The following NELL2 variants were observed in gnomAD, a reference collection of about 807,000 sequenced individuals.
The protein encoded by NELL2 is protein kinase C-binding protein NELL2.
NELL2 carries 41 observed loss-of-function variants against 109.6 expected under a neutral mutation model. That is an observed-to-expected ratio of 0.37 (90% CI 0.29 to 0.49). The LOEUF (loss-of-function observed/expected upper bound fraction) is 0.49, where lower values mean the gene tolerates loss of function less well. Among genes scored for constraint, NELL2 ranks in the 20% least tolerant of loss-of-function variants. NELL2 has a pLI of 0.98. For synonymous variants in NELL2, 355 were observed against 344.7 expected (o/e 1.03, Z -0.33); for missense variants, 900 against 1,008.3 (o/e 0.89, Z 1.45).
rs912359515 is a variant in NELL2 at position 44,713,433 on chromosome 12, A to C, written c.1086+1217T>G. Among the ~76,000 whole-genome samples, 7 of 151,852 alleles carry C rather than the reference A, an allele frequency of 4.6e-5. No homozygotes were observed. In the South Asian group the frequency reaches 1.4e-3, roughly 31 times the overall value. ...TTACTAGATCTCACTCTGTCTTCCA[A>C]TTCTTTTATCTATTGTGAGACTTAC... On this transcript the variant is annotated intron_variant, in intron 10 of 19. Transcript: ENST00000429094.
chr12:44,758,434 A>T (rs1376656823), intron 9 of NELL2, among the ~76,000 whole-genome samples: 1 of 152,254 alleles, frequency 6.6e-6, no homozygotes, highest in Non-Finnish European at 1.5e-5. Flanking sequence ...TAAACTTGAC[A>T]CAATGAATAA....
chr12:44,896,571 A>G (rs928658707), intron 1 of NELL2, among the ~76,000 whole-genome samples: 1 of 152,232 alleles, frequency 6.6e-6, no homozygotes, highest in African/African-American at 2.4e-5. Flanking sequence ...CCTTGAAGCT[A>G]TACATGTATA....
At chr12:44,572,534 A>G (rs535662224) in intron 15 of NELL2, among the ~76,000 whole-genome samples, 2 of 152,194 alleles carry the variant, frequency 1.3e-5, no homozygotes, top group African/African-American at 2.4e-5. Context: ...TAGGAAACAT[A>G]CTAGGAATTT....
At chr12:44,559,081 CT>C (rs777379080) in intron 15 of NELL2, among the ~76,000 whole-genome samples, 3 of 152,162 alleles carry the variant, frequency 2.0e-5, no homozygotes, top group Non-Finnish European at 4.4e-5. Flanking sequence ...CCAAACTAAG[CT>C]TCATGAGTGA....
At chr12:44,671,300 G>C (rs1055682112) in intron 12 of NELL2, among the ~76,000 whole-genome samples, 2 of 152,258 alleles carry the variant, frequency 1.3e-5, no homozygotes, top group South Asian at 2.1e-4. Context: ...ACAGCGCTAA[G>C]AGGGAAACTT....
chr12:44,832,296 AC>A (rs76314801), intron 2 of NELL2, among the ~76,000 whole-genome samples: 3,456 of 152,300 alleles, frequency 0.023, 70 homozygotes, highest in East Asian at 0.048. Context: ...AGAATGGAAG[AC>A]CAAAACAATG....
intron 13 of NELL2, among the ~76,000 whole-genome samples, chr12:44,645,898 C>A (rs11182594): frequency 5.3e-5 from 8 of 152,158 alleles, no homozygotes; most frequent in African/African-American, 1.7e-4. Context: ...CTCTTTTTTA[C>A]CCTCATCTTG....
chr12:44,750,162 T>G (rs750753200), intron 9 of NELL2, among the ~76,000 whole-genome samples: 7 of 152,154 alleles, frequency 4.6e-5, no homozygotes, highest in Non-Finnish European at 7.4e-5. Flanking sequence ...GCAGAGATTA[T>G]GTTTTCCTTT....
chr12:44,685,845 A>C (rs1001629055), intron 12 of NELL2, among the ~76,000 whole-genome samples: 5 of 152,030 alleles, frequency 3.3e-5, no homozygotes, highest in East Asian at 1.9e-4. Flanking sequence ...GGCTGCCCTT[A>C]ACATTTTTTC....
chr12:44,626,451 T>C (rs1047986018), intron 13 of NELL2, among the ~76,000 whole-genome samples: 1 of 152,200 alleles, frequency 6.6e-6, no homozygotes, highest in Non-Finnish European at 1.5e-5. Context: ...ACACGCTCTG[T>C]CTCAGATCAC....
At chr12:44,671,854 G>T (rs752037247) in intron 12 of NELL2, among the ~76,000 whole-genome samples, 18 of 152,276 alleles carry the variant, frequency 1.2e-4, no homozygotes, top group Non-Finnish European at 2.5e-4. Context: ...GCCATAGTAG[G>T]AGTCCCCTGG....
chr12:44,860,501 A>C (rs1455640778), intron 2 of NELL2, among the ~76,000 whole-genome samples: 2 of 152,202 alleles, frequency 1.3e-5, no homozygotes, highest in African/African-American at 2.4e-5. Context: ...TGGAGGCTCT[A>C]AGAGAAAACT....
chr12:44,676,398 A>G (rs1198613093), intron 12 of NELL2, among the ~76,000 whole-genome samples: 1 of 152,176 alleles, frequency 6.6e-6, no homozygotes, highest in African/African-American at 2.4e-5. Flanking sequence ...AATATCATTT[A>G]CAAATAAGCT....
intron 13 of NELL2, among the ~76,000 whole-genome samples, chr12:44,620,997 G>A (rs1946035892): frequency 6.6e-6 from 1 of 151,986 alleles, no homozygotes. Flanking sequence ...TGTTTTCACT[G>A]GCCATCAAGG....
chr12:44,570,708 TA>T (rs1943835085), intron 15 of NELL2, among the ~76,000 whole-genome samples: 1 of 152,158 alleles, frequency 6.6e-6, no homozygotes, highest in Non-Finnish European at 1.5e-5. Context: ...GTTATCTTTT[TA>T]AAAAATATAA....
At chr12:44,739,412 T>C (rs1054392184) in intron 9 of NELL2, among the ~76,000 whole-genome samples, 2 of 152,174 alleles carry the variant, frequency 1.3e-5, no homozygotes, top group African/African-American at 4.8e-5. Context: ...TAGCTTGTAG[T>C]GGCCCCGGGA....
chr12:44,783,962 C>T (rs1942065002), intron 3 of NELL2, among the ~76,000 whole-genome samples: 1 of 151,930 alleles, frequency 6.6e-6, no homozygotes, highest in South Asian at 2.1e-4. Flanking sequence ...TATATAAAAA[C>T]AATGATATAC....
chr12:44,704,439 A>C (rs1937740909), intron 11 of NELL2, among the ~76,000 whole-genome samples: 1 of 152,204 alleles, frequency 6.6e-6, no homozygotes, highest in Admixed American at 6.5e-5. Context: ...AATTTTTAGG[A>C]ATTATAGAGA....
chr12:44,660,140 G>T lies in NELL2; in HGVS notation c.1444+5344C>A, dbSNP rs116026094. ...CCAAAGGACAATAAAAGGACACTGG[G>T]GACCACAAGAAGTAAGAGAAGGTAT... On this transcript the variant is annotated intron_variant, in intron 13 of 19. Coordinates refer to ENST00000429094, the MANE Select transcript of NELL2 (RefSeq NM_001145108.2). 7.3e-3 allele frequency among the ~76,000 whole-genome samples: 1,110 copies of T among 152,128 alleles called. 8 individuals are homozygous for T. The highest frequency in any genetic ancestry group is 0.021 in the African/African-American group (873 of 41,514).
Sources: allele counts gnomAD v4.1 joint callset (sites outside exome capture counted in the v4.1 genomes callset), GRCh38; gene constraint gnomAD v4.1.1; transcripts MANE v1.5; gene names NCBI Gene and HGNC (gene_info 2026-07-23, HGNC 2026-07-21).